Variants in C9orf50 observed in about 807,000 individuals in gnomAD.
The protein encoded by C9orf50 is uncharacterized protein C9orf50.
C9orf50 carries 33 observed loss-of-function variants against 42.5 expected under a neutral mutation model. The ratio of observed to expected loss-of-function variants is 0.78; its 90% CI spans 0.59 to 1.04. The LOEUF is 1.04. C9orf50 is among the 50% of genes least tolerant of loss of function. The pLI is 0.00. For synonymous variants in C9orf50, 257 were observed against 273.4 expected (o/e 0.94, Z 0.59); for missense variants, 547 against 594.3 (o/e 0.92, Z 0.83).
At chr9:129,615,029 T>A (rs1830285613) in intron 4 of C9orf50, among the ~76,000 whole-genome samples, 1 of 152,258 alleles carries the variant, frequency 6.6e-6, no homozygotes, top group South Asian at 2.1e-4. Flanking sequence ...AGAGAGAAAG[T>A]TTCCGCTTCG....
At position 129,620,343 on chromosome 9, in the gene C9orf50, G is replaced by A; in HGVS notation, c.232C>T (p.Pro78Ser). 1 of 1,229,446 alleles carries A rather than the reference G, an allele frequency of 8.1e-7. No homozygotes were observed. Among genetic ancestry groups the A allele is most frequent in the Non-Finnish European group, 1.0e-6 (1 of 986,126 alleles). The allele number at this position is 1,229,446 out of a possible 1,614,324, so 76.2% of individuals were successfully genotyped here. Residue 78 changes from proline to serine, a missense_variant, in exon 1 of 7, where the codon CCG (proline) becomes TCG (serine). Transcript: ENST00000372478. The surrounding 1 kb of genome is among the most constrained non-coding windows in gnomAD (Gnocchi z 5.8). ...GCGGTGAGCAAGGCGGGCAGGCGCGGCGGGAGGCGTCCGACGCCCACCCCG... is the reference window on the plus strand; with the variant it reads ...GCGGTGAGCAAGGCGGGCAGGCGCGACGGGAGGCGTCCGACGCCCACCCCG...
exon 4 of C9orf50, chr9:129,615,621 C>G (rs918165): frequency 1.3e-6 from 2 of 1,586,066 alleles, no homozygotes; most frequent in South Asian, 1.1e-5. Flanking sequence ...AGCCTTGAGC[C>G]TGGGGACCTG....
Position 129,614,636 on chromosome 9 carries a change from G to A in C9orf50, c.880+848C>T, listed in dbSNP as rs1830260992. On this transcript the variant is annotated intron_variant, in intron 4 of 6. Coordinates refer to ENST00000372478, the Ensembl canonical transcript of C9orf50. The surrounding 1 kb of genome is among the most constrained non-coding windows in gnomAD (Gnocchi z 4.4). ...TCACTGGGAATGGCCAGGCGCGGTG[G>A]CTCATGCCTGTAATCCCAGCACTTT... Among the ~76,000 whole-genome samples, 2 of 152,202 alleles carry A rather than the reference G, an allele frequency of 1.3e-5. No individual in the cohort carries two copies. Among genetic ancestry groups the A allele is most frequent in the African/African-American group, 4.8e-5 (2 of 41,452 alleles).
Position 129,620,568 on chromosome 9 carries a change from A to C in C9orf50, c.7T>G (p.Trp3Gly). The C allele has an allele frequency of 7.3e-7, 1 of 1,368,378 alleles. No individual in the cohort carries two copies. Among genetic ancestry groups the C allele is most frequent in the Non-Finnish European group, 9.4e-7 (1 of 1,059,046 alleles). The allele number at this position is 1,368,378 out of a possible 1,614,324, so 84.8% of individuals were successfully genotyped here. ...TGGGCCCCTGGGCGAAGTCGACGCC[A>C]GAACATGCTTGGCCCCGCACTCAGC... Residue 3 changes from tryptophan to glycine, a missense_variant, in exon 1 of 7, where the codon TGG (tryptophan) becomes GGG (glycine). Coordinates refer to ENST00000372478, the Ensembl canonical transcript of C9orf50. The surrounding 1 kb of genome is among the most constrained non-coding windows in gnomAD (Gnocchi z 5.8).
At chr9:129,619,765 T>C in exon 2 of C9orf50, 2 of 1,613,928 alleles carry the variant, frequency 1.2e-6, no homozygotes, top group Non-Finnish European at 1.7e-6. Flanking sequence ...AATGAACAGT[T>C]GGGACACCGC....
chr9:129,615,591 G>C (rs766245699), exon 4 of C9orf50: 4 of 1,605,624 alleles, frequency 2.5e-6, no homozygotes, highest in Non-Finnish European at 3.4e-6. Flanking sequence ...GCCTTCCCCC[G>C]AGGGGTTGTG....
Position 129,619,847 on chromosome 9 carries a change from A to G in C9orf50, c.509-17T>C, listed in dbSNP as rs1428118214. The G allele has an allele frequency of 1.2e-6, 2 of 1,612,726 alleles. No individual in the cohort carries two copies. The highest frequency in any genetic ancestry group is 1.7e-6 in the Non-Finnish European group (2 of 1,178,848). On this transcript the variant is annotated splice_polypyrimidine_tract_variant and intron_variant, in intron 1 of 6. Coordinates refer to ENST00000372478, the Ensembl canonical transcript of C9orf50. ...CTGGGGATGCTGGAGCCAGGAGGAA[A>G]CAGTTGTGAGCCTTGGCTGGGGGAC...
Position 129,620,655 on chromosome 9 carries a change from A to G in C9orf50, c.-81T>C. 7 of 1,210,312 alleles carry G rather than the reference A, an allele frequency of 5.8e-6. No homozygotes were observed. The highest frequency in any genetic ancestry group is 6.2e-6 in the Non-Finnish European group (6 of 961,982). The allele number at this position is 1,210,312 out of a possible 1,614,324, so 75.0% of individuals were successfully genotyped here. A position where few individuals can be genotyped will look rare whatever the true frequency, so the allele number is the denominator to read the frequency against. ...GGCTGAGGTGGGGAGGGCATAGTCC[A>G]GCCCCAGGCCATAGTGCCCCGGGCG... On this transcript the variant is annotated 5_prime_UTR_variant, in exon 1 of 7. Transcript: ENST00000372478. The surrounding 1 kb of genome is among the most constrained non-coding windows in gnomAD (Gnocchi z 5.8).
At chr9:129,615,219 C>A (rs1484907996) in intron 4 of C9orf50, among the ~76,000 whole-genome samples, 1 of 152,218 alleles carries the variant, frequency 6.6e-6, no homozygotes, top group Non-Finnish European at 1.5e-5. Context: ...GCAGATACAG[C>A]ATATGGGAAC....
chr9:129,617,812 T>C (rs1347508103), intron 3 of C9orf50, among the ~76,000 whole-genome samples: 2 of 151,998 alleles, frequency 1.3e-5, no homozygotes, highest in East Asian at 3.9e-4. Context: ...GCCTCCCGAG[T>C]AGCTGGAACC....
chr9:129,613,690 C>T lies in C9orf50; in HGVS notation c.881-93G>A. ...CCTCCCTCTGGCAGGCAGGGCCGGT[C>T]AGAGCCCTGTCTCCATGGCAACCCC... On this transcript the variant is annotated intron_variant, in intron 4 of 6. Transcript: ENST00000372478. This position sits in a 1 kb window ranked among gnomAD's most constrained non-coding sequence, Gnocchi z 6.2. 3.3e-6 allele frequency: 5 copies of T among 1,510,258 alleles called. No homozygotes were observed. In the South Asian group the frequency reaches 4.9e-5, roughly 15 times the overall value. The allele number at this position is 1,510,258 out of a possible 1,614,324, so 93.6% of individuals were successfully genotyped here.
At chr9:129,616,115 C>T (rs1001853025) in intron 3 of C9orf50, among the ~76,000 whole-genome samples, 1 of 152,156 alleles carries the variant, frequency 6.6e-6, no homozygotes, top group African/African-American at 2.4e-5. Context: ...AATCATTGTG[C>T]CCACCCTACA....
In C9orf50 at chr9:129,620,533, C is replaced by T; in HGVS notation, c.42G>A (p.Ala14=). The change falls in exon 1 of 7, where the codon GCG becomes GCA. Residue 14 remains alanine, a synonymous_variant. Transcript: ENST00000372478. The surrounding 1 kb of genome is among the most constrained non-coding windows in gnomAD (Gnocchi z 5.8). ...CTCCGTCGCCAGGGAGCCCCTTGGGCGCCAGGTCCTGGGCCCCTGGGCGAA... is the reference window on the plus strand; with the variant it reads ...CTCCGTCGCCAGGGAGCCCCTTGGGTGCCAGGTCCTGGGCCCCTGGGCGAA... 2 of 1,443,854 alleles carry T rather than the reference C, an allele frequency of 1.4e-6. No homozygotes were observed. Among genetic ancestry groups the T allele is most frequent in the South Asian group, 1.4e-5 (1 of 71,806 alleles). 89.4% of individuals were successfully genotyped at this position (1,443,854 alleles called of 1,614,324 possible).
At chr9:129,615,526 G>T in exon 4 of C9orf50, 1 of 1,610,968 alleles carries the variant, frequency 6.2e-7, no homozygotes, top group Non-Finnish European at 8.5e-7. Context: ...GTGTCCTGCA[G>T]GGTCTCGTCA....
At position 129,620,525 on chromosome 9, in the gene C9orf50, C is replaced by T. The variant is rs374267801; in HGVS notation, c.50G>A (p.Gly17Glu). Residue 17 changes from glycine (G) to glutamate (E), a missense_variant, in exon 1 of 7, where the codon GGG (glycine) becomes GAG (glutamate). Physicochemically the swap from Gly to Glu is moderately conservative, Grantham distance 98. This residue lies in a region of C9orf50 where 105 missense variants were observed against 98.5 expected (regional missense o/e 1.07). Transcript: ENST00000372478. This position sits in a 1 kb window ranked among gnomAD's most constrained non-coding sequence, Gnocchi z 5.8. The stretch of plus-strand genomic sequence containing the variant: ...TCGGAAGTCTCCGTCGCCAGGGAGC[C>T]CCTTGGGCGCCAGGTCCTGGGCCCC... 1 of 1,445,278 alleles carries T rather than the reference C, an allele frequency of 6.9e-7. No individual in the cohort carries two copies. The highest frequency in any genetic ancestry group is 9.1e-7 in the Non-Finnish European group (1 of 1,096,980). The allele number at this position is 1,445,278 out of a possible 1,614,324, so 89.5% of individuals were successfully genotyped here. A position where few individuals can be genotyped will look rare whatever the true frequency, so the allele number is the denominator to read the frequency against.
intron 4 of C9orf50, among the ~76,000 whole-genome samples, 176 bp downstream of exon 4, chr9:129,615,308 G>A (rs1480299534): frequency 6.6e-6 from 1 of 152,196 alleles, no homozygotes; most frequent in East Asian, 1.9e-4. Flanking sequence ...CTTGGTCTTC[G>A]AAGGTCAACC....
Position 129,619,504 on chromosome 9 carries a change from C to A in C9orf50, c.716+16G>T, listed in dbSNP as rs1323089094. 1 of 1,583,702 alleles carries A rather than the reference C, an allele frequency of 6.3e-7. No individual in the cohort carries two copies. Among genetic ancestry groups the A allele is most frequent in the Non-Finnish European group, 8.7e-7 (1 of 1,154,282 alleles). On this transcript the variant is annotated intron_variant, in intron 3 of 6. Coordinates refer to ENST00000372478, the Ensembl canonical transcript of C9orf50. ...CTTTCCTCCACTACCCTACCCTTAT[C>A]CCGCCCATCACTCACTGGTTGGCCT... is the stretch of plus-strand genomic sequence containing the variant.
upstream of C9orf50, among the ~76,000 whole-genome samples, chr9:129,621,291 G>GC (rs1180924428): frequency 6.6e-6 from 1 of 152,264 alleles, no homozygotes; most frequent in East Asian, 1.9e-4. Context: ...CTTACCCCCA[G>GC]CCCCCATTCT....
Position 129,614,115 on chromosome 9 carries a change from G to A in C9orf50, c.881-518C>T, listed in dbSNP as rs1278139966. Reference sequence around the variant, plus strand: ...GCTCCTTATGGCCAGTGGCTGACACGGAATCATCTCCTGTATGCACCAACT... The same window carrying A: ...GCTCCTTATGGCCAGTGGCTGACACAGAATCATCTCCTGTATGCACCAACT... On this transcript the variant is annotated intron_variant, in intron 4 of 6. Coordinates refer to ENST00000372478, the Ensembl canonical transcript of C9orf50. The surrounding 1 kb of genome is among the most constrained non-coding windows in gnomAD (Gnocchi z 4.4). Among the ~76,000 whole-genome samples, 7 of 152,302 alleles carry A rather than the reference G, an allele frequency of 4.6e-5. No homozygotes were observed. Among genetic ancestry groups the A allele is most frequent in the Middle Eastern group, 3.4e-3 (1 of 294 alleles).
Sources: gnomAD v4.1 joint callset for allele counts (sites outside exome capture counted in the v4.1 genomes callset) on GRCh38, gnomAD v4.1.1 for gene constraint, gnomAD v4.1.1 regional missense constraint, Gnocchi (gnomAD v3.1) non-coding constraint, MANE v1.5 for transcripts, NCBI Gene and HGNC (gene_info 2026-07-23, HGNC 2026-07-21) for gene names.